Variants in IGF2R observed in about 807,000 individuals in gnomAD.
The protein encoded by IGF2R is cation-independent mannose-6-phosphate receptor.
In IGF2R, 91 loss-of-function variants were observed where a neutral mutation model predicts 270.6. The ratio of observed to expected loss-of-function variants is 0.34; its 90% CI spans 0.28 to 0.40. The LOEUF (loss-of-function observed/expected upper bound fraction) is 0.40. IGF2R is among the 10% of genes least tolerant of loss of function. The pLI is 1.00. For missense variants in IGF2R, 2,805 were observed against 3,188.3 expected (o/e 0.88, Z 2.90); for synonymous variants, 1,316 against 1,258.9 (o/e 1.05, Z -0.96).
rs1362388026 is a variant in IGF2R at position 160,033,013 on chromosome 6, T to C, written c.1117T>C (p.Phe373Leu). ...TGTCTGTGGAGAAACTGAAATACAG[T>C]TCTGTAATAAAAAACAAGCTGCAGT... ...LNVCGETEIQ[F>L]CNKKQAAVCQ... The change falls in exon 9 of 48, where the codon TTC becomes CTC. Residue 373 changes from phenylalanine (F) to leucine (L), a missense_variant. Physicochemically the swap from Phe to Leu is conservative, Grantham distance 22 (BLOSUM62 0). Coordinates refer to ENST00000356956, the MANE Select transcript of IGF2R (RefSeq NM_000876.4). 1.2e-6 allele frequency: 2 copies of C among 1,607,214 alleles called. No homozygotes were observed. The highest frequency in any genetic ancestry group is 8.5e-7 in the Non-Finnish European group (1 of 1,173,708).
At chr6:160,063,694 G>A in intron 27 of IGF2R, 64 bp downstream of exon 27, 1 of 1,258,960 alleles carries the variant, frequency 7.9e-7, no homozygotes, top group Non-Finnish European at 1.1e-6. Context: ...AAAATATTTT[G>A]CTGAAGATGA....
chr6:160,097,868 C>T (rs910334232), intron 45 of IGF2R, among the ~76,000 whole-genome samples: 1 of 152,184 alleles, frequency 6.6e-6, no homozygotes, highest in African/African-American at 2.4e-5. Flanking sequence ...CAGCTTTGTC[C>T]TGTGCTGTTC....
chr6:159,983,928 A>G (rs1022432802), intron 1 of IGF2R, among the ~76,000 whole-genome samples: 5 of 152,218 alleles, frequency 3.3e-5, no homozygotes, highest in African/African-American at 2.4e-5. Flanking sequence ...GTGGAAGGCA[A>G]TGCTCTGGTG....
intron 11 of IGF2R, 78 bp downstream of exon 11, chr6:160,040,802 G>A: frequency 1.4e-6 from 2 of 1,440,750 alleles, no homozygotes; most frequent in South Asian, 1.3e-5. Context: ...TGGAAATGCG[G>A]TTACTATTTT....
At chr6:160,032,799 C>A in intron 8 of IGF2R, 86 bp downstream of exon 8, 1 of 1,465,224 alleles carries the variant, frequency 6.8e-7, no homozygotes, top group South Asian at 1.3e-5. Flanking sequence ...CAAGTCAGTC[C>A]ATGCATGCTT....
chr6:160,033,445 T>C (rs1002847834), intron 9 of IGF2R, among the ~76,000 whole-genome samples: 1 of 152,276 alleles, frequency 6.6e-6, no homozygotes, highest in Non-Finnish European at 1.5e-5. Context: ...TGCATAATTT[T>C]CAAGTGCGTT....
chr6:160,060,233 A>T (rs986362141), intron 22 of IGF2R, among the ~76,000 whole-genome samples: 2 of 151,472 alleles, frequency 1.3e-5, no homozygotes, highest in African/African-American at 4.9e-5. Context: ...CTGTCATCAC[A>T]TAGGCCACCA....
intron 19 of IGF2R, among the ~76,000 whole-genome samples, chr6:160,054,464 G>A (rs370468644): frequency 6.6e-6 from 1 of 152,192 alleles, no homozygotes; most frequent in Non-Finnish European, 1.5e-5. Context: ...AATGCTGGTC[G>A]ATTGTTGTGT....
intron 11 of IGF2R, 123 bp from the exon 12 acceptor site, chr6:160,043,025 G>A (rs1777980978): frequency 3.0e-6 from 3 of 992,294 alleles, no homozygotes; most frequent in Non-Finnish European, 3.0e-6. Context: ...CAGCGCTGGG[G>A]ATTGAGTGAC....
At chr6:160,100,066 A>G (rs533607544) in intron 45 of IGF2R, among the ~76,000 whole-genome samples, 1 of 152,328 alleles carries the variant, frequency 6.6e-6, no homozygotes, top group East Asian at 1.9e-4. Context: ...AAATACTTAA[A>G]TCCCCAAAGA....
Position 160,035,417 on chromosome 6 carries a change from C to T in IGF2R, c.1315+895C>T, listed in dbSNP as rs373122591. On this transcript the variant is annotated intron_variant, in intron 10 of 47. Coordinates refer to ENST00000356956, the MANE Select transcript of IGF2R (RefSeq NM_000876.4). The stretch of plus-strand genomic sequence containing the variant: ...ATGTGAACCATGCTCTCGAAGCCTC[C>T]GGAGATCAGGTCTGCGTTGGGAGAG... Among the ~76,000 whole-genome samples, 103 of 152,296 alleles carry T rather than the reference C, an allele frequency of 6.8e-4. 1 individual carries two copies. The highest frequency in any genetic ancestry group is 1.7e-3 in the African/African-American group (69 of 41,556).
At chr6:160,027,888 C>A (rs1046700124) in intron 6 of IGF2R, among the ~76,000 whole-genome samples, 5 of 152,156 alleles carry the variant, frequency 3.3e-5, no homozygotes, top group Admixed American at 6.5e-5. Context: ...ACATTTTCTC[C>A]CCATTCAGAG....
intron 29 of IGF2R, among the ~76,000 whole-genome samples, chr6:160,065,348 T>C (rs1234806231): frequency 6.6e-6 from 1 of 152,220 alleles, no homozygotes; most frequent in East Asian, 1.9e-4. Flanking sequence ...AGGGATGCCC[T>C]GTGTTCTGCC....
rs558068237 is a variant in IGF2R at position 160,009,585 on chromosome 6, C to T, written c.414+451C>T. Among the ~76,000 whole-genome samples the T allele has an allele frequency of 2.0e-5, 3 of 152,222 alleles. No homozygotes were observed. The East Asian group carries it at 5.8e-4, about 29-fold the overall frequency. The stretch of plus-strand genomic sequence containing the variant: ...CCTTGGCCCGTGGGTATGGGGTTCT[C>T]AAGTTTTTTGGATATTACCTGGTGT... On this transcript the variant is annotated intron_variant, in intron 3 of 47. Transcript: ENST00000356956.
chr6:160,087,768 C>T (rs1281207380), intron 41 of IGF2R, among the ~76,000 whole-genome samples: 5 of 152,128 alleles, frequency 3.3e-5, no homozygotes, highest in South Asian at 2.1e-4. Context: ...TTCTGCCTCC[C>T]GGGTTCAAGC....
intron 7 of IGF2R, among the ~76,000 whole-genome samples, chr6:160,030,993 C>G (rs1032325473): frequency 2.1e-4 from 32 of 152,136 alleles, no homozygotes; most frequent in African/African-American, 7.5e-4. Flanking sequence ...AGGCATGTGC[C>G]ACCACGCCTG....
chr6:160,010,932 A>G (rs1389355302), intron 4 of IGF2R, 147 bp downstream of exon 4: 2 of 578,108 alleles, frequency 3.5e-6, no homozygotes, highest in Admixed American at 3.0e-5. Context: ...TTTAATTTTT[A>G]AAACTTTTCT....
At chr6:159,988,763 T>C (rs1323114809) in intron 1 of IGF2R, among the ~76,000 whole-genome samples, 3 of 152,146 alleles carry the variant, frequency 2.0e-5, no homozygotes, top group Non-Finnish European at 4.4e-5. Context: ...GCCAAGTCTT[T>C]GTTTACTTGT....
At chr6:160,043,777 T>TA (rs1778000853) in intron 12 of IGF2R, among the ~76,000 whole-genome samples, 2 of 152,252 alleles carry the variant, frequency 1.3e-5, no homozygotes, top group Admixed American at 1.3e-4. Context: ...AATTATTTGA[T>TA]ACAGGTATTT....
Sources: gnomAD v4.1 joint callset for allele counts (sites outside exome capture counted in the v4.1 genomes callset) on GRCh38, gnomAD v4.1.1 for gene constraint, MANE v1.5 for transcripts, NCBI Gene and HGNC (gene_info 2026-07-23, HGNC 2026-07-21) for gene names.